Variants in BRCC3 observed in about 807,000 individuals in gnomAD.
BRCC3 encodes the protein BRCA1/BRCA2-containing complex subunit 3.
BRCC3 carries 15 observed loss-of-function variants against 28.0 expected under a neutral mutation model. The ratio of observed to expected loss-of-function variants is 0.54; its 90% CI spans 0.36 to 0.82. The LOEUF (loss-of-function observed/expected upper bound fraction) is 0.82. Ranked by LOEUF, BRCC3 falls within the 40% of genes least tolerant of loss-of-function variation. BRCC3 has a pLI of 0.01. For missense variants in BRCC3, 109 were observed against 225.9 expected (o/e 0.48, Z 3.32); for synonymous variants, 66 against 80.3 (o/e 0.82, Z 0.95).
At chrX:155,086,492 A>G (rs979166964) in intron 5 of BRCC3, among the ~76,000 whole-genome samples, 13 of 110,023 alleles carry the variant, frequency 1.2e-4, no homozygotes, top group Non-Finnish European at 2.3e-4. Flanking sequence ...CTGGGATCAC[A>G]GGCACGCGCC....
At chrX:155,074,084 C>A (rs1427883039) in intron 3 of BRCC3, among the ~76,000 whole-genome samples, 3 of 112,263 alleles carry the variant, frequency 2.7e-5, no homozygotes, top group Non-Finnish European at 5.6e-5. Context: ...ACCTTAATCA[C>A]TTTGCATCTC....
intron 3 of BRCC3, among the ~76,000 whole-genome samples, chrX:155,075,244 T>C (rs782537031): frequency 1.8e-5 from 1 of 54,121 alleles, no homozygotes; most frequent in South Asian, 7.7e-4. Flanking sequence ...TTCTCTCAGA[T>C]TTCACCCTTG....
At chrX:155,090,866 T>C in intron 7 of BRCC3, 27 bp downstream of exon 7, 1 of 1,046,287 alleles carries the variant, frequency 9.6e-7, no homozygotes, top group Non-Finnish European at 1.3e-6. Flanking sequence ...CTTATGTGTG[T>C]ATTGGAGGGC....
At chrX:155,104,535 T>C (rs1416395975) in intron 7 of BRCC3, among the ~76,000 whole-genome samples, 1 of 112,413 alleles carries the variant, frequency 8.9e-6, no homozygotes, top group Non-Finnish European at 1.9e-5. Flanking sequence ...GTGCATACTT[T>C]GGAGTTCACT....
At position 155,099,176 on chromosome X, in the gene BRCC3, A is replaced by T. The variant is rs1326683938; in HGVS notation, c.548+8337A>T. The T allele has an allele frequency of 8.5e-6, 6 of 707,168 alleles. No homozygotes were observed. In the East Asian group the frequency reaches 2.6e-4, roughly 30 times the overall value. The allele number at this position is 707,168 out of a possible 1,213,427, so 58.3% of individuals were successfully genotyped here. On this transcript the variant is annotated intron_variant, in intron 7 of 10. Coordinates refer to ENST00000330045, the MANE Select transcript of BRCC3 (RefSeq NM_001018055.3). Reference sequence around the variant, plus strand: ...AAAAAAAATTTAAATAAGAAATAAAATTAGAAATGTTTTTTTTTTTTTTTT... The same window carrying T: ...AAAAAAAATTTAAATAAGAAATAAATTTAGAAATGTTTTTTTTTTTTTTTT...
chrX:155,079,862 A>G (rs1156337775), intron 5 of BRCC3, among the ~76,000 whole-genome samples: 2 of 111,312 alleles, frequency 1.8e-5, no homozygotes, highest in Non-Finnish European at 3.8e-5. Flanking sequence ...AGTTGCAGAC[A>G]TGGTACCTTT....
chrX:155,113,421 A>G (rs1304193456), intron 7 of BRCC3, among the ~76,000 whole-genome samples: 1 of 110,739 alleles, frequency 9.0e-6, no homozygotes, highest in Admixed American at 9.6e-5. Context: ...TCTTTAATAA[A>G]TGATACTGGG....
intron 5 of BRCC3, among the ~76,000 whole-genome samples, chrX:155,088,537 G>C (rs1464610622): frequency 6.4e-5 from 7 of 110,154 alleles, no homozygotes; most frequent in African/African-American, 2.3e-4. Flanking sequence ...ATTTTTAGTA[G>C]AGAAGGGGTT....
At chrX:155,098,637 G>A (rs782087680) in intron 7 of BRCC3, among the ~76,000 whole-genome samples, 3 of 112,365 alleles carry the variant, frequency 2.7e-5, no homozygotes. Flanking sequence ...AGAGCTGACT[G>A]TTGTAATAGA....
chrX:155,120,265 C>A, intron 10 of BRCC3, 97 bp downstream of exon 10: 1 of 641,494 alleles, frequency 1.6e-6, no homozygotes, highest in Non-Finnish European at 2.4e-6. Context: ...TTTTCACATG[C>A]AATCAGCACA....
intron 7 of BRCC3, among the ~76,000 whole-genome samples, chrX:155,099,778 G>A (rs1387796500): frequency 2.7e-5 from 3 of 111,846 alleles, no homozygotes; most frequent in Non-Finnish European, 5.6e-5. Flanking sequence ...AAGATCTTGA[G>A]TTTTTTGGTT....
chrX:155,083,970 TTA>T (rs1348607602), intron 5 of BRCC3, among the ~76,000 whole-genome samples: 1 of 111,862 alleles, frequency 8.9e-6, no homozygotes, highest in Non-Finnish European at 1.9e-5. Flanking sequence ...TGAATTGAGT[TTA>T]TATGAGTCTA....
At chrX:155,113,119 CTTTTTTTTTTTTTTT>C (rs35621321) in intron 7 of BRCC3, among the ~76,000 whole-genome samples, 1 of 30,811 alleles carries the variant, frequency 3.2e-5, no homozygotes, top group Admixed American at 5.6e-4. Context: ...GGCTTGCTTG[CTTTTTTTTTTTTTTT>C]TTTTTTTTTT....
At chrX:155,111,012 CA>C (rs782811524) in intron 7 of BRCC3, among the ~76,000 whole-genome samples, 1 of 111,431 alleles carries the variant, frequency 9.0e-6, no homozygotes, top group South Asian at 3.7e-4. Context: ...ACAGAAATCT[CA>C]TCTTGTATGG....
rs782485469 is a variant in BRCC3 at position 155,116,228 on chromosome X, CCTAGTCTCT to C, written c.680+43_680+51del. 29 of 1,123,215 alleles carry C rather than the reference CCTAGTCTCT, an allele frequency of 2.6e-5. No homozygotes were observed. In the Middle Eastern group the frequency reaches 7.3e-4, roughly 28 times the overall value. 92.6% of individuals were successfully genotyped at this position (1,123,215 alleles called of 1,213,427 possible). ...CACTCCTCTTCTCTACTTCTCAGGA[CCTAGTCTCT>C]CTTTTCTTCTTCTGTCCTTTTCTCT... On this transcript the variant is annotated intron_variant, in intron 8 of 10. Transcript: ENST00000330045.
At chrX:155,097,195 T>G (rs781796897) in intron 7 of BRCC3, among the ~76,000 whole-genome samples, 2 of 110,909 alleles carry the variant, frequency 1.8e-5, no homozygotes, top group African/African-American at 3.3e-5. Flanking sequence ...CAAAAGAAAC[T>G]GAACAAAATG....
At chrX:155,085,797 T>G (rs1557294743) in intron 5 of BRCC3, among the ~76,000 whole-genome samples, 1 of 111,836 alleles carries the variant, frequency 8.9e-6, no homozygotes, top group African/African-American at 3.3e-5. Context: ...GCTTGAGCCT[T>G]GGGGCGGTTT....
chrX:155,119,911 G>GT (rs1434817813), intron 9 of BRCC3, 88 bp from the exon 10 acceptor site: 1 of 806,100 alleles, frequency 1.2e-6, no homozygotes, highest in Non-Finnish European at 1.8e-6. Flanking sequence ...TGTGCTCATG[G>GT]TTGGGGGTCT....
chrX:155,119,920 C>A, intron 9 of BRCC3, 79 bp from the exon 10 acceptor site: 1 of 877,912 alleles, frequency 1.1e-6, no homozygotes, highest in Non-Finnish European at 1.6e-6. Flanking sequence ...GGTTGGGGGT[C>A]TGTTGGTGAT....
Sources: allele counts gnomAD v4.1 joint callset (sites outside exome capture counted in the v4.1 genomes callset), GRCh38; gene constraint gnomAD v4.1.1; transcripts MANE v1.5; gene names NCBI Gene and HGNC (gene_info 2026-07-23, HGNC 2026-07-21).